ZDBF2: variants seen among roughly 807,000 people sequenced by gnomAD.
ZDBF2 encodes the protein zinc finger DBF-type containing 2.
A neutral mutation model predicts 9.4 loss-of-function variants in ZDBF2; 6 were observed. That is an observed-to-expected ratio of 0.64 (90% CI 0.35 to 1.27). The LOEUF is 1.27. ZDBF2 is among the 50% of genes most tolerant of loss of function. ZDBF2 has a pLI of 0.03. For synonymous variants in ZDBF2, 905 were observed against 946.3 expected, an observed-to-expected ratio of 0.96 and a Z score of 0.80; for missense variants, 2,697 against 2,766.8, an observed-to-expected ratio of 0.97 and a Z score of 0.57.
At position 206,311,456 on chromosome 2, in the gene ZDBF2, G is replaced by A. The variant is rs1242372772; in HGVS notation, c.6928G>A (p.Glu2310Lys). 6.2e-7 allele frequency: 1 copy of A among 1,612,620 alleles called. No individual in the cohort carries two copies. Among genetic ancestry groups the A allele is most frequent in the East Asian group, 2.2e-5 (1 of 44,860 alleles). The change falls in exon 5 of 5, where the codon GAA becomes AAA. Residue 2310 changes from glutamate (E) to lysine (K), a missense_variant. Transcript: ENST00000374423. ...RVARRRKKTDESYHGRQKGPS... is the reference protein window; with the variant it reads ...RVARRRKKTDKSYHGRQKGPS... Reference sequence around the variant, plus strand: ...TGCAAGAAGGAGGAAGAAGACTGATGAAAGCTACCATGGCCGACAGAAAGG... The same window carrying A: ...TGCAAGAAGGAGGAAGAAGACTGATAAAAGCTACCATGGCCGACAGAAAGG...
At chr2:206,281,937 A>C (rs1691341681) in intron 3 of ZDBF2, 28 bp downstream of exon 3, 3 of 1,586,634 alleles carry the variant, frequency 1.9e-6, no homozygotes, top group Non-Finnish European at 2.6e-6. Flanking sequence ...ATATGATAAT[A>C]TCTCAAAGGA....
At chr2:206,288,465 A>G (rs985358611) in intron 3 of ZDBF2, among the ~76,000 whole-genome samples, 4 of 152,176 alleles carry the variant, frequency 2.6e-5, no homozygotes, top group African/African-American at 9.6e-5. Context: ...TTTCATTACG[A>G]TGGGGAGACT....
In ZDBF2 at chr2:206,310,417, A is replaced by G; in HGVS notation, c.5889A>G (p.Gln1963=). The change falls in exon 5 of 5, where the codon CAA becomes CAG. Residue 1963 remains glutamine (Q), a synonymous_variant. Transcript: ENST00000374423. ...TGATGAAAAGAAAAATAATTAGACA[A>G]GAGGAAGACCCACCAAAAAGTAAGT... ...YPVMKRKIIR[Q]EEDPPKSKCS... The G allele has an allele frequency of 1.2e-6, 2 of 1,614,004 alleles. No individual in the cohort carries two copies. Among genetic ancestry groups the G allele is most frequent in the Non-Finnish European group, 1.7e-6 (2 of 1,179,888 alleles).
At chr2:206,295,012 A>G (rs1485156044) in intron 3 of ZDBF2, among the ~76,000 whole-genome samples, 1 of 152,170 alleles carries the variant, frequency 6.6e-6, no homozygotes, top group Admixed American at 6.5e-5. Flanking sequence ...TTTTGAAAGC[A>G]TCATAATTTA....
intron 3 of ZDBF2, among the ~76,000 whole-genome samples, chr2:206,287,249 T>G (rs886239785): frequency 2.0e-5 from 3 of 152,242 alleles, no homozygotes; most frequent in Admixed American, 6.5e-5. Context: ...TGAGCATTTC[T>G]TGTGAGCCTG....
chr2:206,307,037 C>G lies in ZDBF2; in HGVS notation c.2509C>G (p.Leu837Val). The G allele has an allele frequency of 6.2e-7, 1 of 1,613,394 alleles. No homozygotes were observed. The highest frequency in any genetic ancestry group is 8.5e-7 in the Non-Finnish European group (1 of 1,179,708). The part of the protein sequence containing the change: ...SEITFDSDIP[L>V]HSGNDHPEVA... ...AATAACTTTTGATTCTGATATTCCT[C>G]TTCATTCAGGAAATGATCACCCTGA... Residue 837 changes from leucine (L) to valine (V), a missense_variant, in exon 5 of 5, where the codon CTT (leucine) becomes GTT (valine). Coordinates refer to ENST00000374423, the MANE Select transcript of ZDBF2 (RefSeq NM_020923.3).
In ZDBF2 at chr2:206,314,383, A is replaced by G. The variant is rs981884504; in HGVS notation, c.*2790A>G. ...TTTTATATTGCAGTGTAAAAGCTAA[A>G]CTTGTTTTTGATGTTATCAAGATAA... On this transcript the variant is annotated 3_prime_UTR_variant, in exon 5 of 5. Coordinates refer to ENST00000374423, the MANE Select transcript of ZDBF2 (RefSeq NM_020923.3). 3 of 151,886 alleles carry G rather than the reference A, an allele frequency of 2.0e-5. No homozygotes were observed. Among genetic ancestry groups the G allele is most frequent in the Non-Finnish European group, 2.9e-5 (2 of 67,966 alleles). The allele number at this position is 151,886 out of a possible 1,614,324, so 9.4% of individuals were successfully genotyped here.
intron 3 of ZDBF2, among the ~76,000 whole-genome samples, chr2:206,294,434 T>C (rs1015504820): frequency 7.9e-5 from 12 of 152,264 alleles, no homozygotes; most frequent in Non-Finnish European, 1.5e-4. Flanking sequence ...CATTGCTTTT[T>C]TCTTTTTGCC....
chr2:206,295,213 A>G (rs1692102534), intron 3 of ZDBF2, among the ~76,000 whole-genome samples: 1 of 152,216 alleles, frequency 6.6e-6, no homozygotes, highest in Non-Finnish European at 1.5e-5. Context: ...AATTATAAAT[A>G]ACATGTTAGA....
chr2:206,276,980 T>C (rs541303792), intron 1 of ZDBF2, among the ~76,000 whole-genome samples: 2 of 152,320 alleles, frequency 1.3e-5, no homozygotes, highest in East Asian at 3.9e-4. Flanking sequence ...GGTCTTTTTA[T>C]GCATTCGGCC....
chr2:206,308,159 G>A lies in ZDBF2; in HGVS notation c.3631G>A (p.Ala1211Thr). The A allele has an allele frequency of 6.2e-7, 1 of 1,613,784 alleles. No individual in the cohort carries two copies. ...TTCTGATGACCCTCTTCAGTCAGTG[G>A]CTGACCGGCTGAGAGAAACCGTTAA... is the stretch of plus-strand genomic sequence containing the variant. ...FDSDDPLQSV[A>T]DRLRETVKEI... Residue 1211 changes from alanine (A) to threonine (T), a missense_variant, in exon 5 of 5, where the codon GCT becomes ACT. By Grantham distance (58) the Ala-to-Thr change is moderately conservative. This residue lies in a region of ZDBF2 where 1,783 missense variants were observed against 1,776.5 expected (regional missense o/e 1.00). Coordinates refer to ENST00000374423, the MANE Select transcript of ZDBF2 (RefSeq NM_020923.3).
At chr2:206,286,780 A>G (rs1004072539) in intron 3 of ZDBF2, among the ~76,000 whole-genome samples, 1 of 152,216 alleles carries the variant, frequency 6.6e-6, no homozygotes, top group Non-Finnish European at 1.5e-5. Context: ...ATTCAGCCCA[A>G]CTGTATCTTT....
rs1368282010 is a variant in ZDBF2 at position 206,312,443 on chromosome 2, C to G, written c.*850C>G. On this transcript the variant is annotated 3_prime_UTR_variant, in exon 5 of 5. Coordinates refer to ENST00000374423, the MANE Select transcript of ZDBF2 (RefSeq NM_020923.3). ...TTATTATTATTTTTTGAGACAGAGT[C>G]TCACTGTCTTGCCCAGGCTGGAGTG... 6.6e-6 allele frequency: 1 copy of G among 152,086 alleles called. No homozygotes were observed. Among genetic ancestry groups the G allele is most frequent in the Non-Finnish European group, 1.5e-5 (1 of 68,024 alleles). The allele number at this position is 152,086 out of a possible 1,614,324, so 9.4% of individuals were successfully genotyped here.
At position 206,305,209 on chromosome 2, in the gene ZDBF2, T is replaced by G; in HGVS notation, c.681T>G (p.Tyr227Ter). ...SKCDPNKVEK[Y>*]LEQPDGASRN... ...GTGACCCAAACAAAGTTGAGAAATA[T>G]CTTGAACAGCCAGATGGGGCCTCTA... The change falls in exon 5 of 5, where the codon TAT becomes TAG. Residue 227 changes from tyrosine (Y) to a stop codon, truncating the protein, a stop_gained. Coordinates refer to ENST00000374423, the MANE Select transcript of ZDBF2 (RefSeq NM_020923.3). LOFTEE classifies it low-confidence loss of function (END_TRUNC). 1 of 1,613,824 alleles carries G rather than the reference T, an allele frequency of 6.2e-7. No individual in the cohort carries two copies.
At position 206,309,256 on chromosome 2, in the gene ZDBF2, C is replaced by T. The variant is rs553699225; in HGVS notation, c.4728C>T (p.Asp1576=). The stretch of plus-strand genomic sequence containing the variant: ...TTGATATAGAAGATAAGAGCTGTGA[C>T]TTTTTTGGTTCTGAAGTCAGATGTA... ...ECIDIEDKSC[D]FFGSEVRCNC... Residue 1576 remains aspartate, a synonymous_variant, in exon 5 of 5, where the codon GAC becomes GAT. Coordinates refer to ENST00000374423, the MANE Select transcript of ZDBF2 (RefSeq NM_020923.3). The T allele has an allele frequency of 3.5e-4, 570 of 1,609,750 alleles. No individual in the cohort carries two copies. The highest frequency in any genetic ancestry group is 8.3e-4 in the Middle Eastern group (5 of 6,056).
At chr2:206,293,279 C>T (rs559785660) in intron 3 of ZDBF2, among the ~76,000 whole-genome samples, 3 of 152,016 alleles carry the variant, frequency 2.0e-5, no homozygotes, top group East Asian at 1.9e-4. Flanking sequence ...ACTTTATTGC[C>T]GAATCACCCT....
At chr2:206,279,749 C>G (rs1691214246) in intron 2 of ZDBF2, among the ~76,000 whole-genome samples, 157 bp downstream of exon 2, 1 of 152,106 alleles carries the variant, frequency 6.6e-6, no homozygotes, top group South Asian at 2.1e-4. Context: ...AAAATAATGA[C>G]TTATGTTATT....
Position 206,308,217 on chromosome 2 carries a change from A to G in ZDBF2, c.3689A>G (p.Asp1230Gly), listed in dbSNP as rs752645257. The G allele has an allele frequency of 6.8e-6, 11 of 1,613,798 alleles. No homozygotes were observed. In the South Asian group the frequency reaches 1.2e-4, roughly 18 times the overall value. ...AGCCTTTGGAAGGATGAAGAAGTTG[A>G]CACGGAAGATAGGAGAAATGAAGCT... ...EISLWKDEEV[D>G]TEDRRNEAKG... is the part of the protein sequence containing the mutation. Residue 1230 changes from aspartate (D) to glycine (G), a missense_variant, in exon 5 of 5, where the codon GAC (aspartate) becomes GGC (glycine). Physicochemically the swap from Asp to Gly is moderately conservative, Grantham distance 94. Transcript: ENST00000374423.
intron 3 of ZDBF2, among the ~76,000 whole-genome samples, chr2:206,296,622 A>G (rs1416127667): frequency 6.6e-6 from 1 of 152,166 alleles, no homozygotes; most frequent in Non-Finnish European, 1.5e-5. Context: ...ATAATAGGGG[A>G]CTACTGTAAT....
Sources: allele counts gnomAD v4.1 joint callset (sites outside exome capture counted in the v4.1 genomes callset), GRCh38; gene constraint gnomAD v4.1.1; regional missense constraint gnomAD v4.1.1; transcripts MANE v1.5; gene names NCBI Gene and HGNC (gene_info 2026-07-23, HGNC 2026-07-21).